Variants in PCDHAC1 observed in about 807,000 individuals in gnomAD.
PCDHAC1 encodes protocadherin alpha subfamily C, 1, also known as protocadherin alpha-C1.
In PCDHAC1, 42 loss-of-function variants were observed where a neutral mutation model predicts 60.0. That is an observed-to-expected ratio of 0.70 (90% CI 0.55 to 0.90). PCDHAC1 has a LOEUF of 0.90. PCDHAC1 is among the 40% of genes least tolerant of loss of function. The pLI, the probability that PCDHAC1 is intolerant of heterozygous loss-of-function variation, is 0.00. For synonymous variants in PCDHAC1, 468 were observed against 499.3 expected, an observed-to-expected ratio of 0.94 and a Z score of 0.84; for missense variants, 1,160 against 1,222.3, an observed-to-expected ratio of 0.95 and a Z score of 0.76.
In PCDHAC1 at chr5:140,927,524, C is replaced by T; in HGVS notation, c.632C>T (p.Pro211Leu). ...LVLTARDGGL[P>L]ARSGDAQVTI... ...CTTACAGCTCGGGACGGCGGGCTACCTGCCCGCTCAGGAGACGCACAAGTC... is the reference window on the plus strand; with the variant it reads ...CTTACAGCTCGGGACGGCGGGCTACTTGCCCGCTCAGGAGACGCACAAGTC... Residue 211 changes from proline to leucine, a missense_variant, in exon 1 of 4, where the codon CCT becomes CTT. Coordinates refer to ENST00000253807, the MANE Select transcript of PCDHAC1 (RefSeq NM_018898.5). The T allele has an allele frequency of 1.9e-6, 3 of 1,614,104 alleles. No homozygotes were observed. The highest frequency in any genetic ancestry group is 2.5e-6 in the Non-Finnish European group (3 of 1,180,038).
chr5:140,994,772 G>C (rs2097648880), intron 3 of PCDHAC1, among the ~76,000 whole-genome samples: 2 of 152,118 alleles, frequency 1.3e-5, no homozygotes, highest in Non-Finnish European at 1.5e-5. Context: ...GAGAATTCCA[G>C]GCAAAGGAAA....
chr5:140,966,690 G>T, intron 1 of PCDHAC1: 1 of 1,349,568 alleles, frequency 7.4e-7, no homozygotes, highest in Non-Finnish European at 9.5e-7. Context: ...AGCGGAGGCG[G>T]GGCCCGGGCG....
chr5:141,004,486 C>CT (rs2098167953), intron 3 of PCDHAC1, among the ~76,000 whole-genome samples: 2 of 152,200 alleles, frequency 1.3e-5, no homozygotes, highest in South Asian at 4.1e-4. Flanking sequence ...TGGATTAACT[C>CT]TTGGCAGTCC....
At chr5:140,942,139 A>C (rs1211983428) in intron 1 of PCDHAC1, among the ~76,000 whole-genome samples, 1 of 152,248 alleles carries the variant, frequency 6.6e-6, no homozygotes, top group Non-Finnish European at 1.5e-5. Context: ...TTGTGGCTTT[A>C]CTTGACATAA....
intron 1 of PCDHAC1, among the ~76,000 whole-genome samples, chr5:140,936,053 C>T (rs576745037): frequency 1.2e-4 from 18 of 152,052 alleles, no homozygotes; most frequent in Middle Eastern, 3.4e-3. Flanking sequence ...CCACCACACC[C>T]GGCTAATTTT....
intron 1 of PCDHAC1, among the ~76,000 whole-genome samples, chr5:140,965,199 T>C (rs1296377172): frequency 6.6e-6 from 1 of 152,234 alleles, no homozygotes. Context: ...AGGCAATAGA[T>C]TTCAAATTCC....
chr5:141,000,389 C>CTATA (rs2097911342), intron 3 of PCDHAC1, among the ~76,000 whole-genome samples: 3 of 62,588 alleles, frequency 4.8e-5, no homozygotes, highest in Non-Finnish European at 8.6e-5. Flanking sequence ...CTCTCTCTCT[C>CTATA]TCTCTCTATA....
Position 140,927,907 on chromosome 5 carries a change from G to T in PCDHAC1, c.1015G>T (p.Glu339Ter). Residue 339 changes from glutamate (E) to a stop codon, truncating the protein, a stop_gained, in exon 1 of 4, where the codon GAA becomes TAA. Transcript: ENST00000253807. LOFTEE classifies it high-confidence loss of function. ...GACTGACGTGAACGATCATGCCCCC[G>T]AACTGGACTTCCTGACTCTTTCGAA... ...EVTDVNDHAPELDFLTLSNPV... is the reference protein window; with the variant it reads ...EVTDVNDHAP The T allele has an allele frequency of 6.2e-7, 1 of 1,614,156 alleles. No individual in the cohort carries two copies. The highest frequency in any genetic ancestry group is 8.5e-7 in the Non-Finnish European group (1 of 1,180,024).
Position 141,009,722 on chromosome 5 carries a change from G to A in PCDHAC1, c.2677G>A (p.Gly893Ser), listed in dbSNP as rs552954748. ...KYGPGNPKQSGPGELPDKFII... is the reference protein window; with the variant it reads ...KYGPGNPKQSSPGELPDKFII... ...CGGACCAGGCAACCCCAAACAATCC[G>A]GTCCCGGTGAGTTGCCCGACAAATT... The change falls in exon 4 of 4, where the codon GGT (glycine) becomes AGT (serine). Residue 893 changes from glycine (G) to serine (S), a missense_variant. Gly to Ser is a moderately conservative substitution (Grantham distance 56). This residue lies in a region of PCDHAC1 where 1,113 missense variants were observed against 1,163.7 expected (regional missense o/e 0.96). Transcript: ENST00000253807. 5.2e-5 allele frequency: 84 copies of A among 1,614,140 alleles called. No homozygotes were observed. The South Asian group carries it at 6.7e-4, about 13-fold the overall frequency.
At chr5:140,984,192 A>G (rs1233193080) in intron 3 of PCDHAC1, among the ~76,000 whole-genome samples, 31 of 152,144 alleles carry the variant, frequency 2.0e-4, no homozygotes, top group Admixed American at 2.0e-3. Context: ...ATGACTTTCT[A>G]CCTTGCCTTT....
chr5:140,999,673 T>G (rs2097868835), intron 3 of PCDHAC1, among the ~76,000 whole-genome samples: 1 of 152,050 alleles, frequency 6.6e-6, no homozygotes, highest in Non-Finnish European at 1.5e-5. Context: ...TGCGGGGGGC[T>G]CACAGAAAGA....
chr5:140,936,987 T>A (rs996790487), intron 1 of PCDHAC1, among the ~76,000 whole-genome samples: 1 of 152,170 alleles, frequency 6.6e-6, no homozygotes, highest in Non-Finnish European at 1.5e-5. Flanking sequence ...CTTGTTAACA[T>A]TGACAATATT....
At chr5:140,940,795 A>G (rs2153647229) in intron 1 of PCDHAC1, among the ~76,000 whole-genome samples, 1 of 152,276 alleles carries the variant, frequency 6.6e-6, no homozygotes, top group Non-Finnish European at 1.5e-5. Flanking sequence ...TGAAAATGAT[A>G]TTTGCCAGGA....
intron 3 of PCDHAC1, among the ~76,000 whole-genome samples, chr5:140,989,748 G>A (rs868949345): frequency 1.3e-4 from 20 of 152,192 alleles, no homozygotes; most frequent in African/African-American, 4.8e-4. Context: ...GCCTAATCTG[G>A]AGAAACATAT....
rs1563652468 is a variant in PCDHAC1 at position 141,000,419 on chromosome 5, A to AT, written c.2582-9207dup. The stretch of plus-strand genomic sequence containing the variant: ...TCTATATATATATATATATATATAT[A>AT]TATTTTTTTTTTTTTTTTTTTTTTT... On this transcript the variant is annotated intron_variant, in intron 3 of 3. Transcript: ENST00000253807. 4.4e-3 allele frequency among the ~76,000 whole-genome samples: 271 copies of AT among 60,978 alleles called. 1 individual carries two copies. The highest frequency in any genetic ancestry group is 5.9e-3 in the Non-Finnish European group (210 of 35,644). The allele number at this position is 60,978 out of a possible 152,430, so 40.0% of individuals were successfully genotyped here.
intron 3 of PCDHAC1, among the ~76,000 whole-genome samples, chr5:141,003,440 T>G (rs1194575812): frequency 6.6e-6 from 1 of 152,100 alleles, no homozygotes; most frequent in Non-Finnish European, 1.5e-5. Flanking sequence ...GCCTCCCAAG[T>G]AGATGAAATT....
rs565339027 is a variant in PCDHAC1, at chr5:141,010,492, C to G, written c.*555C>G. ...AGGGGAAGTGTAAACTTAAAGGGAC[C>G]AGACTTTCTAAATCTTACAACTCAA... On this transcript the variant is annotated 3_prime_UTR_variant, in exon 4 of 4. Transcript: ENST00000253807. 28 of 628,626 alleles carry G rather than the reference C, an allele frequency of 4.5e-5. No homozygotes were observed. Among genetic ancestry groups the G allele is most frequent in the Admixed American group, 1.7e-4 (5 of 29,282 alleles). 38.9% of individuals were successfully genotyped at this position (628,626 alleles called of 1,614,324 possible).
At chr5:141,002,934 C>A (rs1318656602) in intron 3 of PCDHAC1, among the ~76,000 whole-genome samples, 2 of 152,172 alleles carry the variant, frequency 1.3e-5, no homozygotes, top group Non-Finnish European at 2.9e-5. Flanking sequence ...CCTCCAACAC[C>A]CTCCAGCACA....
At chr5:140,937,568 G>T (rs1342447969) in intron 1 of PCDHAC1, among the ~76,000 whole-genome samples, 1 of 151,920 alleles carries the variant, frequency 6.6e-6, no homozygotes, top group East Asian at 1.9e-4. Context: ...AGTGAGCTGG[G>T]ATCGCGTCAC....
Sources: allele counts gnomAD v4.1 joint callset (sites outside exome capture counted in the v4.1 genomes callset), GRCh38; gene constraint gnomAD v4.1.1; regional missense constraint gnomAD v4.1.1; transcripts MANE v1.5; gene names NCBI Gene and HGNC (gene_info 2026-07-23, HGNC 2026-07-21).